SHISA9: variants seen among roughly 807,000 people sequenced by gnomAD.
SHISA9 encodes shisa family member 9, also known as protein shisa-9.
In SHISA9, 13 loss-of-function variants were observed where a neutral mutation model predicts 38.0. The ratio of observed to expected loss-of-function variants is 0.34; its 90% CI spans 0.22 to 0.54. SHISA9 has a LOEUF of 0.54. Among genes scored for constraint, SHISA9 ranks in the 20% least tolerant of loss-of-function variants. The pLI is 0.91. For synonymous variants in SHISA9, 275 were observed against 242.0 expected (o/e 1.14, Z -1.27); for missense variants, 538 against 575.8 (o/e 0.93, Z 0.67).
the SHISA9 span, among the ~76,000 whole-genome samples, chr16:13,347,466 A>G: frequency 6.6e-6 from 1 of 152,188 alleles, no homozygotes; most frequent in Non-Finnish European, 1.5e-5. Flanking sequence ...AGGCTCACAG[A>G]AATCCTGCAC....
intron 2 of SHISA9, among the ~76,000 whole-genome samples, chr16:13,019,890 T>C (rs1249059966): frequency 0.011 from 136 of 12,798 alleles, 1 homozygote; most frequent in South Asian, 0.033. Flanking sequence ...CTCCCTTCTT[T>C]CTTTCTTTCT....
At chr16:13,272,911 A>T in the SHISA9 span, among the ~76,000 whole-genome samples, 1 of 151,852 alleles carries the variant, frequency 6.6e-6, no homozygotes, top group Non-Finnish European at 1.5e-5. Context: ...TTACTGATTG[A>T]CTCACTGATA....
At chr16:13,254,794 C>T in the SHISA9 span, among the ~76,000 whole-genome samples, 1 of 152,214 alleles carries the variant, frequency 6.6e-6, no homozygotes, top group Non-Finnish European at 1.5e-5. Flanking sequence ...TGGACTTCAA[C>T]AAATGAAGAA....
chr16:13,186,287 CCTT>C (rs2050821679), intron 2 of SHISA9, among the ~76,000 whole-genome samples: 5 of 123,828 alleles, frequency 4.0e-5, no homozygotes, highest in Admixed American at 1.7e-4. Context: ...ACCATCTTAA[CCTT>C]TTTTTTTTTT....
At chr16:12,976,360 G>T (rs1319864405) in intron 2 of SHISA9, among the ~76,000 whole-genome samples, 1 of 152,048 alleles carries the variant, frequency 6.6e-6, no homozygotes, top group Admixed American at 6.5e-5. Flanking sequence ...CAAAGCGTTG[G>T]GATTACAGGC....
chr16:13,453,046 C>T, the SHISA9 span, among the ~76,000 whole-genome samples: 13 of 151,874 alleles, frequency 8.6e-5, no homozygotes, highest in Non-Finnish European at 1.5e-4. Flanking sequence ...GTAGCTGGAA[C>T]AATACGCACG....
At chr16:13,137,278 TGATTG>T (rs1264688796) in intron 2 of SHISA9, among the ~76,000 whole-genome samples, 1 of 152,050 alleles carries the variant, frequency 6.6e-6, no homozygotes, top group African/African-American at 2.4e-5. Context: ...ACGGCAGTAG[TGATTG>T]GAGTCTGAGT....
rs548009726 is a variant in SHISA9 at position 13,217,483 on chromosome 16, T to C, written c.895+4183T>C. Among the ~76,000 whole-genome samples the C allele has an allele frequency of 2.6e-5, 4 of 152,234 alleles. No individual in the cohort carries two copies. In the East Asian group the frequency reaches 5.8e-4, roughly 22 times the overall value. On this transcript the variant is annotated intron_variant, in intron 4 of 4. Transcript: ENST00000558583. ...ACTGCCAGCATAGACTGCAGTGTAA[T>C]CTCTCTGCTTCTGACTAGAATCAGC...
At chr16:13,373,318 T>G in the SHISA9 span, among the ~76,000 whole-genome samples, 2 of 152,190 alleles carry the variant, frequency 1.3e-5, no homozygotes, top group South Asian at 2.1e-4. Context: ...GGTAGTATGC[T>G]CTATCTACAA....
chr16:13,352,776 G>A, the SHISA9 span, among the ~76,000 whole-genome samples: 1 of 148,224 alleles, frequency 6.7e-6, no homozygotes, highest in Non-Finnish European at 1.5e-5. Flanking sequence ...TTTGTTCTCT[G>A]GCGGGCAGGA....
chr16:13,001,251 A>T (rs927388581), intron 2 of SHISA9, among the ~76,000 whole-genome samples: 12 of 152,124 alleles, frequency 7.9e-5, no homozygotes, highest in Non-Finnish European at 1.3e-4. Context: ...TTGAGATGCA[A>T]CTTTCTTGTT....
chr16:13,309,543 T>G, the SHISA9 span, among the ~76,000 whole-genome samples: 1 of 149,910 alleles, frequency 6.7e-6, no homozygotes, highest in East Asian at 2.0e-4. Flanking sequence ...CTTGGGAGGC[T>G]GAGGCATGAC....
intron 2 of SHISA9, among the ~76,000 whole-genome samples, chr16:13,170,571 C>A (rs2050677200): frequency 6.6e-6 from 1 of 152,176 alleles, no homozygotes; most frequent in Admixed American, 6.5e-5. Context: ...GTCTGTGCAG[C>A]AAAGTACCAT....
the SHISA9 span, among the ~76,000 whole-genome samples, chr16:13,507,462 C>T: frequency 1.3e-5 from 2 of 152,164 alleles, no homozygotes; most frequent in Admixed American, 6.5e-5. Flanking sequence ...CTAACATTAG[C>T]GTAGACAAGA....
At chr16:12,968,189 C>CAAAAAAAAAAAA (rs200194973) in intron 2 of SHISA9, among the ~76,000 whole-genome samples, 15 of 82,044 alleles carry the variant, frequency 1.8e-4, no homozygotes, top group African/African-American at 6.9e-4. Context: ...GGCTCCATCT[C>CAAAAAAAAAAAA]AAAAAAAAAA....
At chr16:12,928,848 A>G (rs565690839) in intron 2 of SHISA9, among the ~76,000 whole-genome samples, 17 of 152,356 alleles carry the variant, frequency 1.1e-4, no homozygotes, top group African/African-American at 4.1e-4. Flanking sequence ...TCATCAAACA[A>G]TTCTTTGATA....
the SHISA9 span, among the ~76,000 whole-genome samples, chr16:13,552,419 G>T: frequency 2.6e-5 from 4 of 152,014 alleles, no homozygotes; most frequent in African/African-American, 9.7e-5. Context: ...AAGGGCAGGT[G>T]TCACGATGCC....
Position 13,103,926 on chromosome 16 carries a change from G to A in SHISA9, c.692-99468G>A, listed in dbSNP as rs193188013. Among the ~76,000 whole-genome samples the A allele has an allele frequency of 4.6e-5, 7 of 152,192 alleles. No individual in the cohort carries two copies. In the East Asian group the frequency reaches 1.4e-3, roughly 30 times the overall value. On this transcript the variant is annotated intron_variant, in intron 2 of 4. Coordinates refer to ENST00000558583, the MANE Select transcript of SHISA9 (RefSeq NM_001145204.3). ...AGAAGTCATCTCTCCCCCATTCTGG[G>A]ATATACGCCACTCTCCAAGCTCCAA...
chr16:13,022,441 C>T (rs1479595358), intron 2 of SHISA9, among the ~76,000 whole-genome samples: 2 of 152,106 alleles, frequency 1.3e-5, no homozygotes, highest in African/African-American at 4.8e-5. Context: ...ACGCGATTCT[C>T]CTGCCTCAGC....
Sources: gnomAD v4.1 joint callset for allele counts (sites outside exome capture counted in the v4.1 genomes callset) on GRCh38, gnomAD v4.1.1 for gene constraint, MANE v1.5 for transcripts, NCBI Gene and HGNC (gene_info 2026-07-23, HGNC 2026-07-21) for gene names.